Variants in DDR2 observed in about 807,000 individuals in gnomAD.
DDR2 encodes discoidin domain-containing receptor 2.
Under a neutral mutation model 94.9 loss-of-function variants are expected in DDR2, and 27 were observed. The observed-to-expected ratio is 0.28, with a 90% confidence interval of 0.21 to 0.39. DDR2 has a LOEUF of 0.39. Among genes scored for constraint, DDR2 ranks in the 10% least tolerant of loss-of-function variants. The pLI is 1.00. For synonymous variants in DDR2, 382 were observed against 377.2 expected (o/e 1.01, Z -0.15); for missense variants, 783 against 1,076.0 (o/e 0.73, Z 3.81).
chr1:162,721,052 C>A (rs1439679534), intron 3 of DDR2, among the ~76,000 whole-genome samples: 1 of 152,016 alleles, frequency 6.6e-6, no homozygotes, highest in Non-Finnish European at 1.5e-5. Flanking sequence ...TTTCCTTTTT[C>A]TGTTCTGTAT....
chr1:162,684,242 C>A (rs1659550758), intron 2 of DDR2, among the ~76,000 whole-genome samples: 2 of 152,052 alleles, frequency 1.3e-5, no homozygotes, highest in African/African-American at 4.8e-5. Context: ...TCTCAGTTTT[C>A]TTTTCTGTTT....
At chr1:162,717,437 A>G (rs1168674300) in intron 2 of DDR2, among the ~76,000 whole-genome samples, 1 of 152,216 alleles carries the variant, frequency 6.6e-6, no homozygotes, top group Non-Finnish European at 1.5e-5. Flanking sequence ...TCTTATATTA[A>G]CATAGTACAT....
chr1:162,741,564 G>A (rs1384537510), intron 3 of DDR2: 1 of 985,060 alleles, frequency 1.0e-6, no homozygotes, highest in African/African-American at 1.7e-5. Flanking sequence ...AAACTGTTAA[G>A]AATTCTATTA....
chr1:162,647,266 A>G (rs1345707074), intron 1 of DDR2, among the ~76,000 whole-genome samples: 5 of 152,210 alleles, frequency 3.3e-5, no homozygotes, highest in African/African-American at 1.2e-4. Flanking sequence ...TTCTAAAACT[A>G]AAGTCAATTG....
chr1:162,722,588 A>G (rs1357264174), intron 3 of DDR2, among the ~76,000 whole-genome samples: 2 of 152,228 alleles, frequency 1.3e-5, no homozygotes, highest in African/African-American at 2.4e-5. Flanking sequence ...AATCATTTAT[A>G]CAAATCAACA....
chr1:162,781,861 A>G lies in DDR2; in HGVS notation c.*1615A>G, dbSNP rs570567158. 2.6e-5 allele frequency: 4 copies of G among 152,242 alleles called. No individual in the cohort carries two copies. Among genetic ancestry groups the G allele is most frequent in the Non-Finnish European group, 5.9e-5 (4 of 68,040 alleles). 9.4% of individuals were successfully genotyped at this position (152,242 alleles called of 1,614,324 possible). The stretch of plus-strand genomic sequence containing the variant: ...TACAAATCAGTTTCCCAAGCTGAGA[A>G]GGATTAGCCTTGACCCCTTGGGTCT... On this transcript the variant is annotated 3_prime_UTR_variant, in exon 18 of 18. Transcript: ENST00000367921.
chr1:162,641,197 A>C lies in DDR2; in HGVS notation c.-192+8566A>C, dbSNP rs114752402. On this transcript the variant is annotated intron_variant, in intron 1 of 17. Transcript: ENST00000367921. ...CAATGTTTTAAATCTTTCTGCATTT[A>C]AATTTTTCTCATCTGTAAAGGGCAA... Among the ~76,000 whole-genome samples the C allele has an allele frequency of 2.4e-3, 370 of 152,322 alleles. 1 individual carries two copies. Among genetic ancestry groups the C allele is most frequent in the African/African-American group, 8.5e-3 (354 of 41,572 alleles).
intron 1 of DDR2, among the ~76,000 whole-genome samples, chr1:162,642,020 G>A (rs1657156581): frequency 6.6e-6 from 1 of 152,002 alleles, no homozygotes; most frequent in Non-Finnish European, 1.5e-5. Context: ...GCGGGATCTC[G>A]GATCACTGCA....
Position 162,755,689 on chromosome 1 carries a change from A to C in DDR2, c.591A>C (p.Pro197=), listed in dbSNP as rs747324281. The stretch of plus-strand genomic sequence containing the variant: ...ATGGCTTGGTGTCTTACAATGCTCC[A>C]GCTGGGCAGCAGTTTGTACTCCCTG... ...WLDGLVSYNA[P]AGQQFVLPGG... Residue 197 remains proline (P), a synonymous_variant, in exon 7 of 18, where the codon CCA becomes CCC. Transcript: ENST00000367921. 1 of 1,614,190 alleles carries C rather than the reference A, an allele frequency of 6.2e-7. No individual in the cohort carries two copies. Among genetic ancestry groups the C allele is most frequent in the Admixed American group, 1.7e-5 (1 of 60,030 alleles).
chr1:162,663,602 G>C (rs542645893), intron 2 of DDR2, among the ~76,000 whole-genome samples: 1 of 152,218 alleles, frequency 6.6e-6, no homozygotes, highest in South Asian at 2.1e-4. Context: ...GTTGAGGGTG[G>C]AGAGTCTTGT....
chr1:162,678,409 T>C (rs1287231907), intron 2 of DDR2, among the ~76,000 whole-genome samples: 1 of 152,226 alleles, frequency 6.6e-6, no homozygotes, highest in Non-Finnish European at 1.5e-5. Flanking sequence ...TTATTAATAT[T>C]TGGTTGCTAA....
chr1:162,693,803 G>A (rs1322959329), intron 2 of DDR2, among the ~76,000 whole-genome samples: 1 of 152,158 alleles, frequency 6.6e-6, no homozygotes, highest in Admixed American at 6.5e-5. Flanking sequence ...CAGGCAGAGA[G>A]GGCAGTAAGC....
intron 1 of DDR2, among the ~76,000 whole-genome samples, chr1:162,633,030 T>C (rs1000312375): frequency 7.2e-5 from 11 of 152,156 alleles, no homozygotes; most frequent in African/African-American, 2.7e-4. Context: ...TTAGTAGTGG[T>C]GTTAGAAGGT....
rs191586875 is a variant in DDR2, at chr1:162,709,289, A to G, written c.-27-9748A>G. 1.5e-3 allele frequency among the ~76,000 whole-genome samples: 226 copies of G among 152,354 alleles called. 1 individual carries two copies. Among genetic ancestry groups the G allele is most frequent in the African/African-American group, 5.2e-3 (216 of 41,586 alleles). ...TCAATCTGGTTTAAAGAAACCAGTT[A>G]TCAGAGACAGACAGGGCCTAAAGAA... On this transcript the variant is annotated intron_variant, in intron 2 of 17. Transcript: ENST00000367921.
intron 9 of DDR2, 83 bp downstream of exon 9, chr1:162,761,537 G>T: frequency 6.2e-7 from 1 of 1,604,234 alleles, no homozygotes; most frequent in African/African-American, 1.3e-5. Context: ...TCATTAGCAG[G>T]TCTCTGAGAG....
intron 1 of DDR2, among the ~76,000 whole-genome samples, chr1:162,644,974 C>T (rs1422550072): frequency 6.6e-6 from 1 of 152,232 alleles, no homozygotes; most frequent in Non-Finnish European, 1.5e-5. Context: ...AGAAGAGGAT[C>T]TCTTGGTCCT....
intron 2 of DDR2, among the ~76,000 whole-genome samples, chr1:162,706,507 T>A (rs942146955): frequency 6.6e-6 from 1 of 152,160 alleles, no homozygotes; most frequent in Non-Finnish European, 1.5e-5. Context: ...TAAGCTCTTG[T>A]GCAAAGGGGC....
chr1:162,770,094 C>T (rs557288931), intron 11 of DDR2, among the ~76,000 whole-genome samples: 2 of 152,022 alleles, frequency 1.3e-5, no homozygotes, highest in African/African-American at 2.4e-5. Context: ...AGATCAAATT[C>T]TACCTTGAAG....
chr1:162,737,183 G>A (rs1423069758), intron 3 of DDR2, among the ~76,000 whole-genome samples: 2 of 112,238 alleles, frequency 1.8e-5, no homozygotes, highest in Non-Finnish European at 3.8e-5. Context: ...TATACTTTAA[G>A]TTTTAGGGTA....
Sources: allele counts gnomAD v4.1 joint callset (sites outside exome capture counted in the v4.1 genomes callset), GRCh38; gene constraint gnomAD v4.1.1; transcripts MANE v1.5; gene names NCBI Gene and HGNC (gene_info 2026-07-23, HGNC 2026-07-21).